The following BST1 variants were observed in gnomAD, a reference collection of about 807,000 sequenced individuals.
BST1 encodes ADP-ribosyl cyclase/cyclic ADP-ribose hydrolase 2.
A neutral mutation model predicts 40.6 loss-of-function variants in BST1; 49 were observed. The ratio of observed to expected loss-of-function variants is 1.21; its 90% CI spans 0.96 to 1.53. BST1 has a LOEUF of 1.53. Among genes scored for constraint, BST1 ranks in the 40% most tolerant of loss-of-function variants. BST1 has a pLI of 0.00. For missense variants in BST1, 423 were observed against 395.9 expected (o/e 1.07, Z -0.58); for synonymous variants, 157 against 159.3 (o/e 0.99, Z 0.11).
intron 7 of BST1, 100 bp from the exon 8 acceptor site, chr4:15,722,775 C>A: frequency 2.1e-6 from 2 of 962,556 alleles, no homozygotes; most frequent in South Asian, 2.9e-5. Flanking sequence ...TATTTGAGGT[C>A]AGAGACTACT....
At chr4:15,719,127 G>A in intron 7 of BST1, 134 bp downstream of exon 7, 1 of 693,258 alleles carries the variant, frequency 1.4e-6, no homozygotes. Flanking sequence ...TCGGTGTGGA[G>A]GCAAGGAGCA....
intron 5 of BST1, 40 bp from the exon 6 acceptor site, chr4:15,715,667 G>T (rs749724617): frequency 7.4e-7 from 1 of 1,346,014 alleles, no homozygotes; most frequent in Non-Finnish European, 1.0e-6. Flanking sequence ...AAATGGAAAA[G>T]ATATCATATT....
chr4:15,726,964 G>A (rs1263676381), intron 8 of BST1, among the ~76,000 whole-genome samples: 4 of 149,766 alleles, frequency 2.7e-5, no homozygotes, highest in African/African-American at 5.0e-5. Flanking sequence ...TCCGCCTCCC[G>A]GGTTCAAGCA....
intron 3 of BST1, among the ~76,000 whole-genome samples, chr4:15,707,855 C>CTCTCTATATATATA (rs544633858): frequency 2.3e-5 from 3 of 128,642 alleles, no homozygotes; most frequent in African/African-American, 5.9e-5. Flanking sequence ...CTCTCTCTCT[C>CTCTCTATATATATA]TATATATATA....
At chr4:15,736,239 CG>C (rs1387831856), downstream of BST1, 24 of 744,672 alleles carry the variant, frequency 3.2e-5, no homozygotes, top group Middle Eastern at 1.5e-3. Flanking sequence ...CAATGTCCTA[CG>C]CTAGGGTCCT....
chr4:15,711,039 C>T (rs932460795), intron 3 of BST1, among the ~76,000 whole-genome samples: 3 of 152,186 alleles, frequency 2.0e-5, no homozygotes, highest in Admixed American at 2.0e-4. Flanking sequence ...ATCCACCCGC[C>T]TCAGCTTCCT....
chr4:15,757,660 A>T, the BST1 span, among the ~76,000 whole-genome samples: 435 of 151,466 alleles, frequency 2.9e-3, 3 homozygotes, highest in African/African-American at 0.01. Context: ...ATTTATTTAG[A>T]GAAAGAGTTT....
chr4:15,748,314 A>G, the BST1 span, among the ~76,000 whole-genome samples: 1 of 152,188 alleles, frequency 6.6e-6, no homozygotes, highest in Admixed American at 6.5e-5. Flanking sequence ...TTTGTCTAGA[A>G]GCAGTGAAGG....
Position 15,720,599 on chromosome 4 carries a change from CAA to C in BST1, c.791+1622_791+1623del, listed in dbSNP as rs575238008. Among the ~76,000 whole-genome samples, 359 of 110,014 alleles carry C rather than the reference CAA, an allele frequency of 3.3e-3. 1 individual carries two copies. The highest frequency in any genetic ancestry group is 0.011 in the African/African-American group (331 of 29,730). 72.2% of individuals were successfully genotyped at this position (110,014 alleles called of 152,430 possible). A position where few individuals can be genotyped will look rare whatever the true frequency, so the allele number is the denominator to read the frequency against. On this transcript the variant is annotated intron_variant, in intron 7 of 8. Transcript: ENST00000265016. ...GGGTGACAAGAGCAAGACTCTGTCT[CAA>C]AAAAAAAAAAAAAAATCAGTTCTTA... is the stretch of plus-strand genomic sequence containing the variant.
the BST1 span, among the ~76,000 whole-genome samples, chr4:15,763,929 G>A: frequency 5.3e-5 from 8 of 152,048 alleles, no homozygotes; most frequent in Admixed American, 1.3e-4. Context: ...AAGAGAGGAC[G>A]TGATGAATGA....
chr4:15,722,766 A>T (rs777832253), intron 7 of BST1, 109 bp from the exon 8 acceptor site: 3 of 865,504 alleles, frequency 3.5e-6, no homozygotes, highest in African/African-American at 1.7e-5. Flanking sequence ...TTTGTGTATT[A>T]TTTGAGGTCA....
chr4:15,760,683 T>C, the BST1 span, among the ~76,000 whole-genome samples: 3 of 150,102 alleles, frequency 2.0e-5, no homozygotes, highest in Non-Finnish European at 4.4e-5. Flanking sequence ...ATATACTATA[T>C]ATTTATTTAT....
intron 8 of BST1, among the ~76,000 whole-genome samples, chr4:15,725,590 G>A (rs1428675622): frequency 1.3e-5 from 2 of 152,026 alleles, no homozygotes; most frequent in East Asian, 3.9e-4. Context: ...CCATCTTCCA[G>A]GTTCATCATA....
chr4:15,744,027 G>A, the BST1 span, among the ~76,000 whole-genome samples: 396 of 152,262 alleles, frequency 2.6e-3, 2 homozygotes, highest in Non-Finnish European at 4.8e-3. Context: ...TTGGGGGATG[G>A]GATCTTGTCC....
chr4:15,717,959 G>C (rs1389726903), intron 6 of BST1, among the ~76,000 whole-genome samples: 2 of 152,144 alleles, frequency 1.3e-5, no homozygotes, highest in Non-Finnish European at 2.9e-5. Flanking sequence ...GTGATAGGTG[G>C]GCATGGGAAG....
In BST1 at chr4:15,732,750, CAAAAAT is replaced by C. The variant is rs1721429498; in HGVS notation, c.*917_*922del. 1 of 152,116 alleles carries C rather than the reference CAAAAAT, an allele frequency of 6.6e-6. No individual in the cohort carries two copies. The highest frequency in any genetic ancestry group is 1.5e-5 in the Non-Finnish European group (1 of 68,024). The allele number at this position is 152,116 out of a possible 1,614,324, so 9.4% of individuals were successfully genotyped here. ...GAACTGCCCGAGACTGGGTAATTTACAAAAATAAAAATAAAAAAGAGGTTTAATTGA... is the reference window on the plus strand; with the variant it reads ...GAACTGCCCGAGACTGGGTAATTTACAAAAATAAAAAAGAGGTTTAATTGA... On this transcript the variant is annotated 3_prime_UTR_variant, in exon 9 of 9. Coordinates refer to ENST00000265016, the MANE Select transcript of BST1 (RefSeq NM_004334.3).
At chr4:15,761,592 G>C in the BST1 span, among the ~76,000 whole-genome samples, 2 of 152,034 alleles carry the variant, frequency 1.3e-5, no homozygotes, top group Admixed American at 1.3e-4. Flanking sequence ...GAATCTGGAT[G>C]AAGTTGTAAT....
chr4:15,765,027 T>TCAGTCTC, the BST1 span, among the ~76,000 whole-genome samples: 1 of 151,898 alleles, frequency 6.6e-6, no homozygotes, highest in African/African-American at 2.4e-5. Context: ...GCTTCAGGCT[T>TCAGTCTC]CAGTCTCTTT....
chr4:15,747,664 A>G, the BST1 span, among the ~76,000 whole-genome samples: 1 of 152,156 alleles, frequency 6.6e-6, no homozygotes, highest in Non-Finnish European at 1.5e-5. Context: ...TCTAGTTTTT[A>G]AAAACATTTA....
Sources: gnomAD v4.1 joint callset for allele counts (sites outside exome capture counted in the v4.1 genomes callset) on GRCh38, gnomAD v4.1.1 for gene constraint, MANE v1.5 for transcripts, NCBI Gene and HGNC (gene_info 2026-07-23, HGNC 2026-07-21) for gene names.